Variants in ERMP1 observed in about 807,000 individuals in gnomAD.
The protein encoded by ERMP1 is endoplasmic reticulum metallopeptidase 1.
Under a neutral mutation model 92.0 loss-of-function variants are expected in ERMP1, and 86 were observed. That is an observed-to-expected ratio of 0.93 (90% CI 0.79 to 1.12). The LOEUF is 1.12. Ranked by LOEUF, ERMP1 falls within the 50% of genes most tolerant of loss-of-function variation. The pLI, the probability that ERMP1 is intolerant of heterozygous loss-of-function variation, is 0.00. For missense variants in ERMP1, 1,342 were observed against 1,116.3 expected (o/e 1.20, Z -2.88); for synonymous variants, 530 against 412.8 (o/e 1.28, Z -3.44).
chr9:5,803,059 A>C (rs1828733138), intron 10 of ERMP1, among the ~76,000 whole-genome samples: 1 of 151,842 alleles, frequency 6.6e-6, no homozygotes, highest in Non-Finnish European at 1.5e-5. Flanking sequence ...ACAAACAAAC[A>C]AAAAACCGTG....
chr9:5,834,661 G>A (rs1208923815), upstream of ERMP1, among the ~76,000 whole-genome samples: 2 of 150,520 alleles, frequency 1.3e-5, no homozygotes, highest in African/African-American at 2.5e-5. Flanking sequence ...CTTAGCTCTG[G>A]ATAAGAGCCT....
intron 2 of ERMP1, among the ~76,000 whole-genome samples, chr9:5,828,781 G>A (rs1829821995): frequency 1.3e-5 from 2 of 152,084 alleles, no homozygotes; most frequent in African/African-American, 4.8e-5. Flanking sequence ...AAGGGTAGAG[G>A]GGAAACTTTT....
intron 5 of ERMP1, 53 bp downstream of exon 5, chr9:5,812,836 T>C (rs767422347): frequency 3.1e-6 from 5 of 1,600,632 alleles, no homozygotes. Context: ...GATTTAAAAT[T>C]TGCTTTTGAT....
At chr9:5,853,962 T>C (rs561201112) in intron 6 of ERMP1, among the ~76,000 whole-genome samples, 25 of 151,994 alleles carry the variant, frequency 1.6e-4, no homozygotes, top group Middle Eastern at 6.8e-3. Context: ...GCATTCATTT[T>C]ATGGATGTTA....
upstream of ERMP1, among the ~76,000 whole-genome samples, chr9:5,834,470 C>T (rs1352261292): frequency 6.6e-6 from 1 of 152,176 alleles, no homozygotes; most frequent in Non-Finnish European, 1.5e-5. Flanking sequence ...TTGCTCTTAA[C>T]ACAAAGCATG....
upstream of ERMP1, among the ~76,000 whole-genome samples, chr9:5,837,403 G>C (rs1381626249): frequency 1.3e-5 from 2 of 151,788 alleles, no homozygotes; most frequent in African/African-American, 4.8e-5. Flanking sequence ...TTTTTAACTA[G>C]TACAAAAATA....
chr9:5,800,476 G>T (rs1399117391), intron 11 of ERMP1, among the ~76,000 whole-genome samples: 1 of 152,146 alleles, frequency 6.6e-6, no homozygotes, highest in African/African-American at 2.4e-5. Context: ...AGGAATTCAA[G>T]AACAGCCTGG....
chr9:5,846,361 T>A (rs951417739), intron 6 of ERMP1, among the ~76,000 whole-genome samples: 8 of 152,196 alleles, frequency 5.3e-5, no homozygotes, highest in African/African-American at 1.7e-4. Flanking sequence ...GCTACTAATT[T>A]GCTGTGTGAC....
chr9:5,859,441 A>T (rs1001618737), intron 6 of ERMP1, among the ~76,000 whole-genome samples: 2 of 152,222 alleles, frequency 1.3e-5, no homozygotes, highest in African/African-American at 4.8e-5. Flanking sequence ...GAATTTAATA[A>T]CTAATCTGAA....
At chr9:5,797,735 T>C in intron 13 of ERMP1, 82 bp downstream of exon 13, 2 of 817,908 alleles carry the variant, frequency 2.4e-6, no homozygotes, top group Non-Finnish European at 4.1e-6. Flanking sequence ...TCCTGTGATA[T>C]ATCTGAGGGA....
chr9:5,821,397 C>T (rs1364875613), intron 4 of ERMP1, among the ~76,000 whole-genome samples: 1 of 152,114 alleles, frequency 6.6e-6, no homozygotes, highest in Non-Finnish European at 1.5e-5. Flanking sequence ...TTGTTTACAC[C>T]CTTTCAGATA....
Position 5,805,215 on chromosome 9 carries a change from C to T in ERMP1, c.1726G>A (p.Ala576Thr). 1.9e-6 allele frequency: 3 copies of T among 1,601,678 alleles called. No homozygotes were observed. Among genetic ancestry groups the T allele is most frequent in the Non-Finnish European group, 2.6e-6 (3 of 1,174,872 alleles). ...CVHKDFKQHGAQGKFIAFYLL... is the reference protein window; with the variant it reads ...CVHKDFKQHGTQGKFIAFYLL... ...TAAAAAGCAATAAATTTTCCTTGGG[C>T]ACCTAGGGAAAAAGAGAAAAAAAGC... The change falls in exon 10 of 15, where the codon GCC (alanine) becomes ACC (threonine). Residue 576 changes from alanine (A) to threonine (T), a missense_variant and splice_region_variant. Transcript: ENST00000339450.
At chr9:5,815,250 C>G (rs1197940446) in intron 4 of ERMP1, among the ~76,000 whole-genome samples, 1 of 152,018 alleles carries the variant, frequency 6.6e-6, no homozygotes, top group Non-Finnish European at 1.5e-5. Flanking sequence ...CTATTCCCCA[C>G]CAAAAGAAAC....
At chr9:5,826,393 C>G (rs1829732684) in intron 2 of ERMP1, among the ~76,000 whole-genome samples, 1 of 152,146 alleles carries the variant, frequency 6.6e-6, no homozygotes, top group Non-Finnish European at 1.5e-5. Flanking sequence ...CCACTATTTC[C>G]TGGTTGAAAG....
chr9:5,797,758 C>G (rs1828492603), intron 13 of ERMP1, 59 bp downstream of exon 13: 3 of 1,001,728 alleles, frequency 3.0e-6, no homozygotes, highest in Non-Finnish European at 4.6e-6. Context: ...AACATACATG[C>G]CACTTATTAA....
At chr9:5,836,137 T>C (rs1830093667), upstream of ERMP1, among the ~76,000 whole-genome samples, 1 of 152,214 alleles carries the variant, frequency 6.6e-6, no homozygotes, top group Non-Finnish European at 1.5e-5. Context: ...CTTGCCATCT[T>C]TTCAGTATTT....
intron 5 of ERMP1, among the ~76,000 whole-genome samples, chr9:5,866,554 C>G (rs1160171219): frequency 6.6e-6 from 1 of 152,202 alleles, no homozygotes; most frequent in Non-Finnish European, 1.5e-5. Flanking sequence ...TCACCTCCCT[C>G]TCAACCACTC....
At chr9:5,803,084 C>T (rs1563753389) in intron 10 of ERMP1, among the ~76,000 whole-genome samples, 2 of 152,230 alleles carry the variant, frequency 1.3e-5, no homozygotes, top group East Asian at 1.9e-4. Flanking sequence ...CTTGACAAGA[C>T]TTTAATTGCT....
intron 4 of ERMP1, among the ~76,000 whole-genome samples, chr9:5,820,538 A>C (rs537490300): frequency 2.0e-5 from 3 of 152,316 alleles, no homozygotes; most frequent in South Asian, 4.1e-4. Context: ...CTCACTCATG[A>C]AATGAGGTCA....
Sources: allele counts gnomAD v4.1 joint callset (sites outside exome capture counted in the v4.1 genomes callset), GRCh38; gene constraint gnomAD v4.1.1; transcripts MANE v1.5; gene names NCBI Gene and HGNC (gene_info 2026-07-23, HGNC 2026-07-21).